The following TP63 variants were observed in gnomAD, a reference collection of about 807,000 sequenced individuals.
TP63 encodes tumor protein 63.
Under a neutral mutation model 82.8 loss-of-function variants are expected in TP63, and 17 were observed. The observed-to-expected ratio is 0.21, with a 90% CI of 0.14 to 0.31. TP63 has a LOEUF of 0.31. TP63 is among the 10% of genes least tolerant of loss of function. The pLI is 1.00. For synonymous variants in TP63, 330 were observed against 321.7 expected (o/e 1.03, Z -0.28); for missense variants, 648 against 895.3 (o/e 0.72, Z 3.52).
intron 1 of TP63, among the ~76,000 whole-genome samples, chr3:189,695,486 A>G (rs1028888098): frequency 2.6e-5 from 4 of 152,184 alleles, no homozygotes; most frequent in African/African-American, 9.7e-5. Context: ...ACTGGAGGAT[A>G]GTTTTAGAAA....
chr3:189,821,658 T>C (rs1017875379), intron 4 of TP63, among the ~76,000 whole-genome samples: 2 of 152,232 alleles, frequency 1.3e-5, no homozygotes, highest in Admixed American at 6.5e-5. Context: ...TGTTTTTAAG[T>C]TGTTATTTGG....
intron 4 of TP63, among the ~76,000 whole-genome samples, chr3:189,848,999 G>A (rs994692658): frequency 4.6e-5 from 7 of 152,196 alleles, no homozygotes; most frequent in African/African-American, 1.7e-4. Flanking sequence ...AGAGGCTGAA[G>A]GTTAAGTTGA....
At chr3:189,835,710 C>T (rs1036642884) in intron 4 of TP63, among the ~76,000 whole-genome samples, 3 of 151,648 alleles carry the variant, frequency 2.0e-5, no homozygotes, top group Admixed American at 6.6e-5. Flanking sequence ...GTCAGGAGTT[C>T]GAGAACAGCC....
intron 1 of TP63, among the ~76,000 whole-genome samples, chr3:189,658,201 A>T (rs1029061352): frequency 1.3e-5 from 2 of 152,122 alleles, no homozygotes; most frequent in East Asian, 3.8e-4. Flanking sequence ...TAACAAAATT[A>T]ATAAAGTAGT....
At chr3:189,810,716 CGTG>C (rs1471342734) in intron 4 of TP63, among the ~76,000 whole-genome samples, 3 of 151,906 alleles carry the variant, frequency 2.0e-5, no homozygotes, top group Admixed American at 2.0e-4. Flanking sequence ...ATTAGCCAGA[CGTG>C]GTGGTGGGTG....
chr3:189,597,198 C>G, the TP63 span, among the ~76,000 whole-genome samples: 2 of 152,196 alleles, frequency 1.3e-5, no homozygotes, highest in African/African-American at 2.4e-5. Flanking sequence ...GTGCTGGGAA[C>G]AGAGAGACTG....
intron 4 of TP63, among the ~76,000 whole-genome samples, chr3:189,810,778 C>T (rs1309300804): frequency 6.7e-6 from 1 of 149,190 alleles, no homozygotes; most frequent in African/African-American, 2.5e-5. Context: ...ATCACTTGAA[C>T]CTGGGAGACA....
chr3:189,748,255 T>A (rs890452353), intron 3 of TP63, among the ~76,000 whole-genome samples: 1 of 151,922 alleles, frequency 6.6e-6, no homozygotes, highest in African/African-American at 2.4e-5. Context: ...GAAGTCAAAT[T>A]GTTTGTCTTT....
At chr3:189,692,970 T>C (rs889283478) in intron 1 of TP63, among the ~76,000 whole-genome samples, 1 of 152,140 alleles carries the variant, frequency 6.6e-6, no homozygotes, top group Admixed American at 6.6e-5. Flanking sequence ...AATGGACGAG[T>C]ATTATGAAAA....
chr3:189,676,450 T>C (rs964359328), intron 1 of TP63, among the ~76,000 whole-genome samples: 2 of 152,132 alleles, frequency 1.3e-5, no homozygotes, highest in East Asian at 1.9e-4. Context: ...CTTAGCTTTA[T>C]GTCCTTCAGT....
intron 4 of TP63, among the ~76,000 whole-genome samples, chr3:189,852,421 C>G (rs1715758889): frequency 6.6e-6 from 1 of 152,182 alleles, no homozygotes; most frequent in Non-Finnish European, 1.5e-5. Context: ...TTTTAGAAAA[C>G]AGATAAACAA....
intron 4 of TP63, among the ~76,000 whole-genome samples, chr3:189,812,486 T>A (rs1331195912): frequency 2.6e-5 from 4 of 152,214 alleles, no homozygotes; most frequent in Non-Finnish European, 5.9e-5. Context: ...TGGTCTAGCA[T>A]TGTAGTTGGG....
upstream of TP63, among the ~76,000 whole-genome samples, chr3:189,627,177 G>C (rs1272856255): frequency 3.3e-5 from 5 of 152,174 alleles, no homozygotes; most frequent in Non-Finnish European, 5.9e-5. Flanking sequence ...TTGGAAGAAA[G>C]AAGCTACTAT....
intron 1 of TP63, among the ~76,000 whole-genome samples, chr3:189,698,011 G>A (rs774081037): frequency 6.6e-5 from 10 of 152,008 alleles, no homozygotes; most frequent in Non-Finnish European, 1.0e-4. Context: ...CTCAATTTGT[G>A]TATTTTAATA....
At chr3:189,883,965 G>A (rs1720183865) in intron 10 of TP63, among the ~76,000 whole-genome samples, 1 of 151,712 alleles carries the variant, frequency 6.6e-6, no homozygotes, top group African/African-American at 2.4e-5. Context: ...ACTTTTAAAT[G>A]TATTTTTATT....
intron 1 of TP63, among the ~76,000 whole-genome samples, chr3:189,675,691 C>A (rs1167887743): frequency 6.6e-6 from 1 of 152,040 alleles, no homozygotes; most frequent in African/African-American, 2.4e-5. Context: ...TACTGTGGCA[C>A]GGTTATGTCT....
At chr3:189,873,066 A>T (rs1271831537) in intron 10 of TP63, 71 bp downstream of exon 10, 8 of 1,606,458 alleles carry the variant, frequency 5.0e-6, no homozygotes, top group Non-Finnish European at 1.7e-6. Flanking sequence ...CAATAGGGTG[A>T]TTGATGAGCA....
At chr3:189,809,876 GGTTAA>G (rs1229341806) in intron 4 of TP63, among the ~76,000 whole-genome samples, 9 of 152,178 alleles carry the variant, frequency 5.9e-5, no homozygotes, top group Non-Finnish European at 1.2e-4. Context: ...AGAAGTTGGA[GGTTAA>G]GTTAAGAGGC....
chr3:189,888,132 A>G (rs908745961), intron 11 of TP63, among the ~76,000 whole-genome samples: 3 of 152,116 alleles, frequency 2.0e-5, no homozygotes, highest in Non-Finnish European at 4.4e-5. Context: ...TGCTGGGATT[A>G]CAGGCGTGAG....
Sources: gnomAD v4.1 joint callset for allele counts (sites outside exome capture counted in the v4.1 genomes callset) on GRCh38, gnomAD v4.1.1 for gene constraint, MANE v1.5 for transcripts, NCBI Gene and HGNC (gene_info 2026-07-23, HGNC 2026-07-21) for gene names.